TAS2R1: variants seen among roughly 807,000 people sequenced by gnomAD.
TAS2R1 encodes taste receptor type 2 member 1.
For synonymous variants in TAS2R1, 141 were observed against 134.2 expected (o/e 1.05, Z -0.35); for missense variants, 370 against 353.4 (o/e 1.05, Z -0.38).
Position 9,629,530 on chromosome 5 carries a change from T to G in TAS2R1, c.503A>C (p.Lys168Thr). 6.2e-7 allele frequency: 1 copy of G among 1,614,056 alleles called. No homozygotes were observed. Among genetic ancestry groups the G allele is most frequent in the Non-Finnish European group, 8.5e-7 (1 of 1,179,992 alleles). Residue 168 changes from lysine to threonine, a missense_variant, in exon 1 of 1, where the codon AAA becomes ACA. Coordinates refer to ENST00000382492, the MANE Select transcript of TAS2R1 (RefSeq NM_019599.3). ...AATCTGTATAGCCAGTGTATCTTCT[T>G]TTTGAATTGTGGCATTTTGGGAGAA... ...KFFSQNATIQKEDTLAIQIFS... is the reference protein window; with the variant it reads ...KFFSQNATIQTEDTLAIQIFS...
the TAS2R1 span, among the ~76,000 whole-genome samples, chr5:9,718,105 A>G: frequency 6.6e-6 from 1 of 150,538 alleles, no homozygotes. Flanking sequence ...GACCACAGGC[A>G]CACGCCACCA....
chr5:9,796,962 G>A, the TAS2R1 span, among the ~76,000 whole-genome samples: 4 of 152,148 alleles, frequency 2.6e-5, no homozygotes, highest in Non-Finnish European at 4.4e-5. Context: ...GGCAGACATT[G>A]TTGCTACAGT....
the TAS2R1 span, among the ~76,000 whole-genome samples, chr5:9,850,254 A>G: frequency 1.3e-5 from 2 of 152,014 alleles, no homozygotes; most frequent in Non-Finnish European, 2.9e-5. Context: ...CAAACTCTCT[A>G]TGTGTGTGCT....
chr5:9,708,553 A>G (rs1052240233), intron 1 of TAS2R1, among the ~76,000 whole-genome samples: 6 of 152,000 alleles, frequency 3.9e-5, no homozygotes, highest in African/African-American at 1.4e-4. Flanking sequence ...TCTGTCACAT[A>G]CTATTTATAT....
At chr5:9,880,828 G>T in the TAS2R1 span, among the ~76,000 whole-genome samples, 6 of 152,164 alleles carry the variant, frequency 3.9e-5, no homozygotes, top group Admixed American at 2.0e-4. Flanking sequence ...TTGTAGACAA[G>T]AAGAAGCCCA....
At chr5:9,747,129 G>A in the TAS2R1 span, among the ~76,000 whole-genome samples, 1 of 152,122 alleles carries the variant, frequency 6.6e-6, no homozygotes, top group African/African-American at 2.4e-5. Context: ...TCCAGATGGT[G>A]GATATTAACC....
At chr5:9,793,880 G>A in the TAS2R1 span, among the ~76,000 whole-genome samples, 10 of 152,276 alleles carry the variant, frequency 6.6e-5, no homozygotes, top group African/African-American at 2.4e-4. Context: ...CTGTGTCTCG[G>A]TCCAGAACCA....
At chr5:9,801,776 G>A in the TAS2R1 span, among the ~76,000 whole-genome samples, 17 of 152,110 alleles carry the variant, frequency 1.1e-4, no homozygotes, top group African/African-American at 3.9e-4. Flanking sequence ...ACACTTTCCT[G>A]GCAACGTGCA....
chr5:9,705,826 C>T (rs1207333193), intron 1 of TAS2R1, among the ~76,000 whole-genome samples: 1 of 152,090 alleles, frequency 6.6e-6, no homozygotes, highest in Non-Finnish European at 1.5e-5. Flanking sequence ...CATGCCATTG[C>T]ACTCCAGCCT....
chr5:9,716,940 C>T (rs1734825175), upstream of TAS2R1, among the ~76,000 whole-genome samples: 1 of 152,312 alleles, frequency 6.6e-6, no homozygotes, highest in Non-Finnish European at 1.5e-5. Flanking sequence ...CTCATGCCTT[C>T]AGCATGACCA....
the TAS2R1 span, among the ~76,000 whole-genome samples, chr5:9,842,316 C>CTTTTTT: frequency 9.5e-5 from 11 of 116,230 alleles, no homozygotes; most frequent in African/African-American, 2.7e-4. Context: ...TTCTTTCTCT[C>CTTTTTT]TTTTTTTTTT....
At chr5:9,654,393 T>C (rs1319629478) in intron 2 of TAS2R1, among the ~76,000 whole-genome samples, 1 of 152,058 alleles carries the variant, frequency 6.6e-6, no homozygotes, top group Non-Finnish European at 1.5e-5. Context: ...CCTTTACTTA[T>C]AAAAAATAGC....
chr5:9,729,499 G>A, the TAS2R1 span, among the ~76,000 whole-genome samples: 2 of 152,162 alleles, frequency 1.3e-5, no homozygotes, highest in Non-Finnish European at 2.9e-5. Context: ...ACGCCTTGGT[G>A]ACATGCTACC....
chr5:9,768,962 A>G, the TAS2R1 span, among the ~76,000 whole-genome samples: 13 of 152,164 alleles, frequency 8.5e-5, no homozygotes, highest in Non-Finnish European at 1.6e-4. Flanking sequence ...TATACAATAA[A>G]TTATTGTTGA....
the TAS2R1 span, among the ~76,000 whole-genome samples, chr5:9,752,514 T>C: frequency 6.6e-6 from 1 of 151,632 alleles, no homozygotes; most frequent in South Asian, 2.1e-4. Context: ...TTTTTATGCA[T>C]GAATGAAGAA....
At chr5:9,858,803 G>T in the TAS2R1 span, among the ~76,000 whole-genome samples, 1 of 152,068 alleles carries the variant, frequency 6.6e-6, no homozygotes, top group African/African-American at 2.4e-5. Context: ...TGTATAGATT[G>T]TATGCACTTC....
chr5:9,690,954 T>C (rs1376771059), intron 1 of TAS2R1, among the ~76,000 whole-genome samples: 1 of 152,160 alleles, frequency 6.6e-6, no homozygotes, highest in Admixed American at 6.5e-5. Context: ...AAAGCCCTTC[T>C]TTCTACCAGG....
chr5:9,875,826 T>C, the TAS2R1 span, among the ~76,000 whole-genome samples: 1 of 152,236 alleles, frequency 6.6e-6, no homozygotes, highest in Non-Finnish European at 1.5e-5. Context: ...CAGTGAGTCC[T>C]GTGGGGAGAC....
At chr5:9,791,933 A>G in the TAS2R1 span, among the ~76,000 whole-genome samples, 1 of 152,214 alleles carries the variant, frequency 6.6e-6, no homozygotes, top group Admixed American at 6.5e-5. Flanking sequence ...CACCGTCAAG[A>G]TCACTGTATA....
Sources: allele counts gnomAD v4.1 joint callset (sites outside exome capture counted in the v4.1 genomes callset), GRCh38; gene constraint gnomAD v4.1.1; transcripts MANE v1.5; gene names NCBI Gene and HGNC (gene_info 2026-07-23, HGNC 2026-07-21).